Variants in TRIM24 observed in about 807,000 individuals in gnomAD.
TRIM24 encodes tripartite motif containing 24.
A neutral mutation model predicts 123.9 loss-of-function variants in TRIM24; 29 were observed. That is an observed-to-expected ratio of 0.23 (90% CI 0.17 to 0.32). The LOEUF (loss-of-function observed/expected upper bound fraction) is 0.32, where lower values mean the gene tolerates loss of function less well. Ranked by LOEUF, TRIM24 falls within the 10% of genes least tolerant of loss-of-function variation. The pLI, the probability that TRIM24 is intolerant of heterozygous loss-of-function variation, is 1.00. For synonymous variants in TRIM24, 456 were observed against 461.1 expected (o/e 0.99, Z 0.14); for missense variants, 932 against 1,295.3 (o/e 0.72, Z 4.31).
chr7:138,492,625 G>A (rs1350970199), intron 1 of TRIM24, among the ~76,000 whole-genome samples: 2 of 152,182 alleles, frequency 1.3e-5, no homozygotes, highest in African/African-American at 4.8e-5. Context: ...GAAGGGAGAG[G>A]CTACTGCTCT....
chr7:138,475,570 A>G (rs112750601), intron 1 of TRIM24, among the ~76,000 whole-genome samples: 4 of 152,134 alleles, frequency 2.6e-5, no homozygotes, highest in African/African-American at 2.4e-5. Context: ...CGCCCTGGCT[A>G]TAGTGCAGTG....
chr7:138,491,140 T>C, intron 1 of TRIM24: 1 of 298,606 alleles, frequency 3.3e-6, no homozygotes, highest in Non-Finnish European at 6.5e-6. Context: ...TAAATGCAAC[T>C]TCATCATTCT....
chr7:138,462,423 C>G (rs1157866562), intron 1 of TRIM24, among the ~76,000 whole-genome samples: 1 of 149,662 alleles, frequency 6.7e-6, no homozygotes, highest in African/African-American at 2.5e-5. Context: ...TCACTGCAAG[C>G]TCCGCCTCCC....
At chr7:138,549,506 A>G (rs954841655) in intron 7 of TRIM24, among the ~76,000 whole-genome samples, 3 of 152,158 alleles carry the variant, frequency 2.0e-5, no homozygotes, top group Admixed American at 6.5e-5. Context: ...AAACAAGGGA[A>G]AACCATGGGA....
At chr7:138,561,624 C>G (rs1797429931) in intron 9 of TRIM24, among the ~76,000 whole-genome samples, 1 of 152,160 alleles carries the variant, frequency 6.6e-6, no homozygotes, top group Non-Finnish European at 1.5e-5. Context: ...GGCACAGAGG[C>G]CATCCTAGTG....
chr7:138,464,151 C>G (rs544218182), intron 1 of TRIM24, among the ~76,000 whole-genome samples: 54 of 151,538 alleles, frequency 3.6e-4, no homozygotes, highest in African/African-American at 1.1e-3. Context: ...CATGCCACCA[C>G]GCCCGGCTAA....
chr7:138,500,165 CATTATGCT>C (rs1796005023), intron 1 of TRIM24, among the ~76,000 whole-genome samples: 1 of 152,124 alleles, frequency 6.6e-6, no homozygotes, highest in African/African-American at 2.4e-5. Flanking sequence ...ATAAGCCCTG[CATTATGCT>C]TAGGTTTAGA....
At chr7:138,527,569 A>T (rs1355851266) in intron 5 of TRIM24, among the ~76,000 whole-genome samples, 1 of 152,194 alleles carries the variant, frequency 6.6e-6, no homozygotes, top group East Asian at 1.9e-4. Context: ...TCCTGTAGTA[A>T]TGTTGATGTC....
intron 1 of TRIM24, chr7:138,461,335 C>CA (rs930746902): frequency 6.6e-6 from 3 of 453,474 alleles, no homozygotes; most frequent in African/African-American, 6.1e-5. Flanking sequence ...CGTCTATACT[C>CA]ACGTTATTTG....
chr7:138,537,236 C>T (rs554028892), intron 6 of TRIM24, among the ~76,000 whole-genome samples: 42 of 152,178 alleles, frequency 2.8e-4, no homozygotes, highest in Non-Finnish European at 4.6e-4. Flanking sequence ...ACCCACTGTC[C>T]GACAAGCCCC....
intron 10 of TRIM24, 110 bp from the exon 11 acceptor site, chr7:138,570,720 A>G: frequency 9.5e-7 from 1 of 1,055,610 alleles, no homozygotes; most frequent in Non-Finnish European, 1.4e-6. Context: ...TTCTCCTTCC[A>G]TGTAAATTAC....
chr7:138,460,527 C>G lies in TRIM24; in HGVS notation c.-22C>G. On this transcript the variant is annotated 5_prime_UTR_variant, in exon 1 of 19. Coordinates refer to ENST00000343526, the MANE Select transcript of TRIM24 (RefSeq NM_015905.3). ...GGCGGAGACCGCGCTCTCGCTTCCC[C>G]GGCGGCGGCAAGGGCAGGACAATGG... 7.9e-7 allele frequency: 1 copy of G among 1,262,558 alleles called. No homozygotes were observed. Among genetic ancestry groups the G allele is most frequent in the Non-Finnish European group, 9.9e-7 (1 of 1,008,790 alleles). 78.2% of individuals were successfully genotyped at this position (1,262,558 alleles called of 1,614,324 possible). A position where few individuals can be genotyped will look rare whatever the true frequency, so the allele number is the denominator to read the frequency against.
chr7:138,463,988 A>ATTTTTT (rs1359459460), intron 1 of TRIM24, among the ~76,000 whole-genome samples: 1 of 32,110 alleles, frequency 3.1e-5, no homozygotes, highest in Admixed American at 3.5e-4. Context: ...AAAAATTTAG[A>ATTTTTT]CTTTTTTTTT....
intron 1 of TRIM24, among the ~76,000 whole-genome samples, chr7:138,496,491 T>C (rs1382599713): frequency 6.6e-6 from 1 of 152,196 alleles, no homozygotes; most frequent in Non-Finnish European, 1.5e-5. Flanking sequence ...GTGGACATCC[T>C]TGCCTTCTTC....
rs1554445755 is a variant in TRIM24, at chr7:138,580,635, C to CACAACTCAGAAAAAAAGA, written c.2661_2678dup (p.Lys892_Lys893insAsnAsnSerGluLysLys). On this transcript the variant is annotated inframe_insertion, in exon 16 of 19. Transcript: ENST00000343526. Reference sequence around the variant, plus strand: ...TGAATATGATTGTGATGCTCCCAGTCACAACTCAGAAAAAAAGAAAACTGA... The same window carrying CACAACTCAGAAAAAAAGA: ...TGAATATGATTGTGATGCTCCCAGTCACAACTCAGAAAAAAAGAACAACTCAGAAAAAAAGAAAACTGA... 1 of 1,613,636 alleles carries CACAACTCAGAAAAAAAGA rather than the reference C, an allele frequency of 6.2e-7. No homozygotes were observed. The highest frequency in any genetic ancestry group is 8.5e-7 in the Non-Finnish European group (1 of 1,179,802).
intron 1 of TRIM24, among the ~76,000 whole-genome samples, chr7:138,469,007 C>T (rs1359356165): frequency 6.6e-6 from 1 of 152,114 alleles, no homozygotes; most frequent in Non-Finnish European, 1.5e-5. Context: ...TTTCTTTCCT[C>T]ATGGATCACA....
At chr7:138,550,519 A>G (rs145435530) in intron 7 of TRIM24, among the ~76,000 whole-genome samples, 56 of 152,272 alleles carry the variant, frequency 3.7e-4, no homozygotes, top group African/African-American at 1.3e-3. Flanking sequence ...GAATGAGTAG[A>G]TGTTCATTGA....
intron 1 of TRIM24, among the ~76,000 whole-genome samples, chr7:138,497,795 A>G (rs1331578529): frequency 6.6e-6 from 1 of 151,772 alleles, no homozygotes; most frequent in Non-Finnish European, 1.5e-5. Context: ...GGCTTAAGCC[A>G]TCCTCCCACC....
At chr7:138,567,437 C>A in intron 9 of TRIM24, 44 bp from the exon 10 acceptor site, 5 of 1,529,112 alleles carry the variant, frequency 3.3e-6, no homozygotes, top group African/African-American at 1.4e-5. Context: ...ATTTGTTTTT[C>A]AGAAGAAGAT....
Sources: gnomAD v4.1 joint callset for allele counts (sites outside exome capture counted in the v4.1 genomes callset) on GRCh38, gnomAD v4.1.1 for gene constraint, MANE v1.5 for transcripts, NCBI Gene and HGNC (gene_info 2026-07-23, HGNC 2026-07-21) for gene names.